Variants in NEK10 observed in about 807,000 individuals in gnomAD.
The protein encoded by NEK10 is NIMA related kinase 10, also known as serine/threonine-protein kinase Nek10.
A neutral mutation model predicts 159.8 loss-of-function variants in NEK10; 122 were observed. The ratio of observed to expected loss-of-function variants is 0.76; its 90% confidence interval spans 0.66 to 0.89. The LOEUF (loss-of-function observed/expected upper bound fraction) is 0.89. NEK10 is among the 40% of genes least tolerant of loss of function. NEK10 has a pLI of 0.00. For missense variants in NEK10, 1,342 were observed against 1,323.1 expected (o/e 1.01, Z -0.22); for synonymous variants, 466 against 457.1 (o/e 1.02, Z -0.25).
chr3:27,195,441 A>G (rs371723534), intron 25 of NEK10, among the ~76,000 whole-genome samples: 6 of 152,266 alleles, frequency 3.9e-5, no homozygotes, highest in East Asian at 1.9e-4. Flanking sequence ...TTTTAAGTCA[A>G]ATTTTCTAAA....
rs1351705337 is a variant in NEK10 at position 27,202,575 on chromosome 3, C to T, written c.2091-18G>A. On this transcript the variant is annotated intron_variant, in intron 23 of 35. Transcript: ENST00000691995. ...CCTCGGGGCTGAAGTAAAATAAGGA[C>T]ATTAATACATGCTAAGGAAGGGAGA... The T allele has an allele frequency of 3.8e-6, 6 of 1,575,654 alleles. No homozygotes were observed. The highest frequency in any genetic ancestry group is 4.6e-5 in the East Asian group (2 of 43,486).
intron 22 of NEK10, among the ~76,000 whole-genome samples, chr3:27,259,402 G>A (rs928874785): frequency 6.6e-6 from 1 of 152,178 alleles, no homozygotes; most frequent in African/African-American, 2.4e-5. Flanking sequence ...TGTATAAGGT[G>A]TAAGGAAGGG....
rs548424766 is a variant in NEK10 at position 27,311,671 on chromosome 3, A to G, written c.568+428T>C. 3.0e-5 allele frequency: 6 copies of G among 197,346 alleles called. No homozygotes were observed. The South Asian group carries it at 4.2e-4, about 14-fold the overall frequency. 12.2% of individuals were successfully genotyped at this position (197,346 alleles called of 1,614,324 possible). ...AGGAATACCTCACACTCACAGTCCA[A>G]TGTTTTCACATTCGCAGCATCAGAT... On this transcript the variant is annotated intron_variant, in intron 8 of 35. Transcript: ENST00000691995.
intron 23 of NEK10, among the ~76,000 whole-genome samples, chr3:27,238,533 G>A (rs1954202488): frequency 6.6e-6 from 1 of 151,978 alleles, no homozygotes. Context: ...TTTGTTATAT[G>A]TATTCATATT....
At chr3:27,227,560 C>T (rs1335762890) in intron 23 of NEK10, among the ~76,000 whole-genome samples, 1 of 152,140 alleles carries the variant, frequency 6.6e-6, no homozygotes, top group African/African-American at 2.4e-5. Context: ...CCCTTCAACT[C>T]CTGTGACCTT....
intron 31 of NEK10, among the ~76,000 whole-genome samples, chr3:27,139,477 G>A (rs1353104621): frequency 6.6e-6 from 1 of 152,094 alleles, no homozygotes; most frequent in Admixed American, 6.5e-5. Flanking sequence ...TATGAAATAG[G>A]AAAAGAATTG....
At chr3:27,342,781 G>A (rs1039180596) in intron 5 of NEK10, among the ~76,000 whole-genome samples, 1 of 151,560 alleles carries the variant, frequency 6.6e-6, no homozygotes, top group Non-Finnish European at 1.5e-5. Context: ...AGTCTACTGG[G>A]CATCTCTTGA....
chr3:27,305,096 G>T, intron 11 of NEK10, 125 bp from the exon 12 acceptor site: 1 of 657,704 alleles, frequency 1.5e-6, no homozygotes. Flanking sequence ...ATGGGTCAAT[G>T]TGCCATTTTC....
chr3:27,257,805 T>C (rs974890613), intron 22 of NEK10, among the ~76,000 whole-genome samples: 5 of 147,734 alleles, frequency 3.4e-5, no homozygotes, highest in African/African-American at 1.2e-4. Context: ...TTTTTTTTTT[T>C]TGAGACGGAG....
At position 27,107,046 on chromosome 3, in the gene NEK10, A is replaced by G. The variant is rs1255141036; in HGVS notation, c.*4226T>C. On this transcript the variant is annotated 3_prime_UTR_variant, in exon 36 of 36. Coordinates refer to ENST00000691995, the MANE Select transcript of NEK10 (RefSeq NM_001394966.1). ...CAGTTTTGAATTAAGACTACAGTTC[A>G]TTTACTTTTAGGATAAAGCAATGAA... Among the ~76,000 whole-genome samples, 1 of 152,074 alleles carries G rather than the reference A, an allele frequency of 6.6e-6. No homozygotes were observed. The highest frequency in any genetic ancestry group is 2.4e-5 in the African/African-American group (1 of 41,394).
At chr3:27,176,260 T>A (rs1236661498) in intron 26 of NEK10, among the ~76,000 whole-genome samples, 3 of 152,256 alleles carry the variant, frequency 2.0e-5, no homozygotes, top group Non-Finnish European at 2.9e-5. Context: ...CTTGTTTTGT[T>A]GAAGTTAATT....
At chr3:27,351,661 T>C (rs2047981268) in intron 3 of NEK10, among the ~76,000 whole-genome samples, 2 of 152,136 alleles carry the variant, frequency 1.3e-5, no homozygotes. Flanking sequence ...GTGATTGATA[T>C]AACAAAAACT....
intron 29 of NEK10, among the ~76,000 whole-genome samples, chr3:27,167,750 T>C (rs966126079): frequency 6.6e-6 from 1 of 152,232 alleles, no homozygotes; most frequent in Admixed American, 6.5e-5. Flanking sequence ...GGCTTATTCC[T>C]CTCTTGATCT....
intron 12 of NEK10, among the ~76,000 whole-genome samples, chr3:27,304,030 T>C (rs6794538): frequency 0.23 from 34,270 of 152,176 alleles, 4,340 homozygotes; most frequent in Middle Eastern, 0.37. Flanking sequence ...CTTCAATCTA[T>C]TTAATTCAGA....
chr3:27,308,970 A>G lies in NEK10; in HGVS notation c.672T>C (p.Asn224=), dbSNP rs1409312841. The part of the protein sequence containing the change: ...LVNLLGARDT[N]VLLGSLLALA... The stretch of plus-strand genomic sequence containing the variant: ...GAGCCAGAAGGGAACCCAATAGAAC[A>G]TTAGTATCTCGGGCACCAAGTAAAT... The change falls in exon 10 of 36, where the codon AAT becomes AAC. Residue 224 remains asparagine, a synonymous_variant. Transcript: ENST00000691995. The G allele has an allele frequency of 6.2e-7, 1 of 1,600,708 alleles. No individual in the cohort carries two copies. Among genetic ancestry groups the G allele is most frequent in the African/African-American group, 1.3e-5 (1 of 74,690 alleles).
In NEK10 at chr3:27,116,014, G is replaced by A. The variant is rs946321679; in HGVS notation, c.3244-19C>T. On this transcript the variant is annotated intron_variant, in intron 34 of 35. Coordinates refer to ENST00000691995, the MANE Select transcript of NEK10 (RefSeq NM_001394966.1). The stretch of plus-strand genomic sequence containing the variant: ...TCACAGTCTAAAATTTTAAAAATCA[G>A]GTTAGTATTGAATTAGAAGTAACAA... 2 of 1,612,472 alleles carry A rather than the reference G, an allele frequency of 1.2e-6. No homozygotes were observed.
chr3:27,119,493 G>T (rs1028730794), intron 33 of NEK10, among the ~76,000 whole-genome samples: 2 of 152,074 alleles, frequency 1.3e-5, no homozygotes, highest in Non-Finnish European at 2.9e-5. Context: ...TAAGCAAAAA[G>T]AAATAAAAGG....
intron 23 of NEK10, among the ~76,000 whole-genome samples, chr3:27,218,626 C>T (rs957468896): frequency 3.1e-5 from 4 of 130,370 alleles, no homozygotes; most frequent in African/African-American, 8.5e-5. Flanking sequence ...AAAAAAAAGA[C>T]GGGACTACTG....
At chr3:27,156,266 A>G (rs1945408043) in intron 30 of NEK10, among the ~76,000 whole-genome samples, 1 of 152,120 alleles carries the variant, frequency 6.6e-6, no homozygotes, top group African/African-American at 2.4e-5. Flanking sequence ...CCAAGAAACT[A>G]AAAGCAAATG....
Sources: gnomAD v4.1 joint callset for allele counts (sites outside exome capture counted in the v4.1 genomes callset) on GRCh38, gnomAD v4.1.1 for gene constraint, MANE v1.5 for transcripts, NCBI Gene and HGNC (gene_info 2026-07-23, HGNC 2026-07-21) for gene names.